The following CFAP20DC variants were observed in gnomAD, a reference collection of about 807,000 sequenced individuals.
CFAP20DC encodes CFAP20 domain containing.
CFAP20DC carries 84 observed loss-of-function variants against 101.7 expected under a neutral mutation model. The ratio of observed to expected loss-of-function variants is 0.83; its 90% confidence interval spans 0.69 to 0.99. The LOEUF is 0.99. CFAP20DC is among the 50% of genes least tolerant of loss of function. The probability of loss-of-function intolerance (pLI) is 0.00; values close to 1 mark genes in which losing one functional copy is unlikely to be tolerated. For synonymous variants in CFAP20DC, 359 were observed against 351.2 expected, an observed-to-expected ratio of 1.02 and a Z score of -0.25; for missense variants, 1,007 against 970.3, an observed-to-expected ratio of 1.04 and a Z score of -0.50.
intron 4 of CFAP20DC, among the ~76,000 whole-genome samples, chr3:58,948,021 G>C (rs574289624): frequency 6.6e-6 from 1 of 152,174 alleles, no homozygotes; most frequent in African/African-American, 2.4e-5. Context: ...TTTCCAAGTT[G>C]TATATTGGAA....
chr3:58,963,535 T>C (rs2091318268), intron 4 of CFAP20DC, among the ~76,000 whole-genome samples: 1 of 152,028 alleles, frequency 6.6e-6, no homozygotes, highest in Non-Finnish European at 1.5e-5. Flanking sequence ...TTGGGAAAGA[T>C]AATAAACTAA....
chr3:58,839,134 T>C (rs1363012699), intron 13 of CFAP20DC, among the ~76,000 whole-genome samples: 2 of 152,236 alleles, frequency 1.3e-5, no homozygotes, highest in Admixed American at 6.5e-5. Context: ...ATGACAGATA[T>C]ACCAACATTT....
At chr3:58,957,081 A>G (rs1283828067) in intron 4 of CFAP20DC, among the ~76,000 whole-genome samples, 2 of 152,184 alleles carry the variant, frequency 1.3e-5, no homozygotes, top group Non-Finnish European at 2.9e-5. Context: ...ACAGAACAGG[A>G]GAAAATACTT....
chr3:58,758,296 T>G (rs2069151512), intron 15 of CFAP20DC, among the ~76,000 whole-genome samples: 1 of 152,172 alleles, frequency 6.6e-6, no homozygotes, highest in Admixed American at 6.6e-5. Context: ...GATCAACTCC[T>G]TTAAACCTCC....
At position 58,722,378 on chromosome 3, in the gene CFAP20DC, T is replaced by C. The variant is rs2067485254; in HGVS notation, c.198-4750A>G. On this transcript the variant is annotated intron_variant, in intron 3 of 3. Coordinates refer to the CFAP20DC transcript ENST00000486145. This position sits in a 1 kb window ranked among gnomAD's most constrained non-coding sequence, Gnocchi z 4.5. ...ATCACTCAAGTTTGGGGTGGTTTGT[T>C]GTGCAGTGAGAGGTAACTGGGACGC... Among the ~76,000 whole-genome samples, 1 of 152,170 alleles carries C rather than the reference T, an allele frequency of 6.6e-6. No individual in the cohort carries two copies. The highest frequency in any genetic ancestry group is 2.1e-4 in the South Asian group (1 of 4,832).
chr3:58,923,391 A>G (rs2085602211), intron 5 of CFAP20DC, among the ~76,000 whole-genome samples: 1 of 151,964 alleles, frequency 6.6e-6, no homozygotes, highest in African/African-American at 2.4e-5. Context: ...TTCCTTTAAT[A>G]TTTTCGTAGC....
intron 14 of CFAP20DC, among the ~76,000 whole-genome samples, chr3:58,829,633 G>C (rs1401941759): frequency 1.3e-5 from 2 of 152,104 alleles, no homozygotes; most frequent in East Asian, 1.9e-4. Context: ...AAAAATATCA[G>C]ACCATTTTCA....
At chr3:58,960,757 C>T (rs1385611151) in intron 4 of CFAP20DC, among the ~76,000 whole-genome samples, 1 of 152,050 alleles carries the variant, frequency 6.6e-6, no homozygotes, top group Non-Finnish European at 1.5e-5. Context: ...ATAAGGATGA[C>T]TTATAATATT....
chr3:59,022,729 T>C (rs995998946), intron 4 of CFAP20DC, among the ~76,000 whole-genome samples: 36 of 152,080 alleles, frequency 2.4e-4, no homozygotes, highest in African/African-American at 7.5e-4. Context: ...AAATAAGAAA[T>C]GACATAAAAC....
intron 4 of CFAP20DC, among the ~76,000 whole-genome samples, chr3:58,950,455 C>G (rs1222593311): frequency 6.6e-6 from 1 of 152,146 alleles, no homozygotes; most frequent in African/African-American, 2.4e-5. Flanking sequence ...ATTGCCAAGT[C>G]AATCCTAAGC....
At chr3:59,047,399 C>T in intron 1 of CFAP20DC, 145 bp from the exon 2 acceptor site, 1 of 589,682 alleles carries the variant, frequency 1.7e-6, no homozygotes, top group Non-Finnish European at 3.0e-6. Context: ...CTACTTTATA[C>T]CTTGATTGTA....
chr3:58,973,415 C>A (rs1367509258), intron 4 of CFAP20DC, among the ~76,000 whole-genome samples: 2 of 152,200 alleles, frequency 1.3e-5, no homozygotes, highest in African/African-American at 4.8e-5. Context: ...CACTCTTGCC[C>A]AGGCACCACA....
chr3:58,912,049 T>C lies in CFAP20DC; in HGVS notation c.550+1659A>G, dbSNP rs2084209302. 1.3e-5 allele frequency among the ~76,000 whole-genome samples: 2 copies of C among 152,158 alleles called. No individual in the cohort carries two copies. The highest frequency in any genetic ancestry group is 6.6e-5 in the Admixed American group (1 of 15,254). ...TCTTCTAAGTCATTGCTTAATCTTA[T>C]AAAATTTACAAACGTCTCTTGTCCG... is the stretch of plus-strand genomic sequence containing the variant. On this transcript the variant is annotated intron_variant, in intron 6 of 16. Transcript: ENST00000482387. This position sits in a 1 kb window ranked among gnomAD's most constrained non-coding sequence, Gnocchi z 4.4.
chr3:59,027,265 G>A (rs531522321), intron 4 of CFAP20DC, among the ~76,000 whole-genome samples: 2 of 152,214 alleles, frequency 1.3e-5, no homozygotes, highest in Non-Finnish European at 2.9e-5. Flanking sequence ...ACACTTTCAG[G>A]GTTTTTTTTC....
At chr3:58,775,603 G>A (rs971163664) in intron 15 of CFAP20DC, among the ~76,000 whole-genome samples, 13 of 152,244 alleles carry the variant, frequency 8.5e-5, no homozygotes, top group Non-Finnish European at 1.8e-4. Flanking sequence ...AAGTGGAAGG[G>A]AAGTAGAAAG....
At chr3:58,980,794 A>G (rs1026545476) in intron 4 of CFAP20DC, among the ~76,000 whole-genome samples, 11 of 152,220 alleles carry the variant, frequency 7.2e-5, no homozygotes, top group Middle Eastern at 3.2e-3. Context: ...GAAAACTGGC[A>G]CAAGACAGGG....
At chr3:58,885,847 T>A (rs2081582778) in intron 6 of CFAP20DC, among the ~76,000 whole-genome samples, 1 of 152,102 alleles carries the variant, frequency 6.6e-6, no homozygotes, top group Admixed American at 6.6e-5. Flanking sequence ...TTTTCTTTAT[T>A]CATTCATCTG....
intron 7 of CFAP20DC, among the ~76,000 whole-genome samples, chr3:58,883,509 CTCTT>C (rs1258995006): frequency 2.6e-5 from 4 of 152,142 alleles, no homozygotes; most frequent in African/African-American, 7.2e-5. Flanking sequence ...ATTTTGCTGT[CTCTT>C]TGTTTTTGCT....
At position 58,863,357 on chromosome 3, in the gene CFAP20DC, G is replaced by T; in HGVS notation, c.1593+201C>A. The T allele has an allele frequency of 1.4e-6, 2 of 1,406,604 alleles. No individual in the cohort carries two copies. The highest frequency in any genetic ancestry group is 2.6e-5 in the East Asian group (1 of 38,946). The allele number at this position is 1,406,604 out of a possible 1,614,324, so 87.1% of individuals were successfully genotyped here. A position where few individuals can be genotyped will look rare whatever the true frequency, so the allele number is the denominator to read the frequency against. ...GTTTCTATAAGTAAAAGTGAAATTGGCTGACTGTTAATTAAAAAAAAAAAA... is the reference window on the plus strand; with the variant it reads ...GTTTCTATAAGTAAAAGTGAAATTGTCTGACTGTTAATTAAAAAAAAAAAA... On this transcript the variant is annotated intron_variant, in intron 12 of 16. Transcript: ENST00000482387. The surrounding 1 kb of genome is among the most constrained non-coding windows in gnomAD (Gnocchi z 5.9).
Sources: allele counts gnomAD v4.1 joint callset (sites outside exome capture counted in the v4.1 genomes callset), GRCh38; gene constraint gnomAD v4.1.1; non-coding constraint Gnocchi (gnomAD v3.1); transcripts MANE v1.5; gene names NCBI Gene and HGNC (gene_info 2026-07-23, HGNC 2026-07-21).